Variants in CSMD3 observed in about 807,000 individuals in gnomAD.
CSMD3 encodes the protein CUB and Sushi multiple domains 3, also known as CUB and sushi domain-containing protein 3.
A neutral mutation model predicts 435.2 loss-of-function variants in CSMD3; 177 were observed. The ratio of observed to expected loss-of-function variants is 0.41; its 90% CI spans 0.36 to 0.46. The LOEUF (loss-of-function observed/expected upper bound fraction) is 0.46. Ranked by LOEUF, CSMD3 falls within the 20% of genes least tolerant of loss-of-function variation. The pLI, the probability that CSMD3 is intolerant of heterozygous loss-of-function variation, is 0.34. For synonymous variants in CSMD3, 1,656 were observed against 1,520.5 expected (o/e 1.09, Z -2.07); for missense variants, 4,265 against 4,504.6 (o/e 0.95, Z 1.52).
chr8:112,706,413 AAAC>A (rs2076500220), intron 13 of CSMD3, among the ~76,000 whole-genome samples: 1 of 152,110 alleles, frequency 6.6e-6, no homozygotes, highest in African/African-American at 2.4e-5. Context: ...GAAAAAAAAT[AAAC>A]AATTCTGCCA....
intron 28 of CSMD3, among the ~76,000 whole-genome samples, chr8:112,511,145 T>C (rs1160640055): frequency 1.3e-5 from 2 of 152,156 alleles, no homozygotes; most frequent in African/African-American, 4.8e-5. Context: ...CAAGTCCATA[T>C]AAAAGTTATG....
intron 1 of CSMD3, among the ~76,000 whole-genome samples, chr8:113,351,375 T>C (rs918773691): frequency 5.3e-5 from 8 of 152,116 alleles, no homozygotes; most frequent in African/African-American, 1.7e-4. Flanking sequence ...ATTACAAATA[T>C]GTACAATAAA....
intron 45 of CSMD3, among the ~76,000 whole-genome samples, chr8:112,334,593 G>A (rs1824388560): frequency 6.6e-6 from 1 of 152,126 alleles, no homozygotes; most frequent in African/African-American, 2.4e-5. Context: ...TGTAGTCATA[G>A]CAGATAAAAG....
chr8:112,360,528 G>T (rs543196559), intron 38 of CSMD3, among the ~76,000 whole-genome samples: 1 of 151,780 alleles, frequency 6.6e-6, no homozygotes, highest in African/African-American at 2.4e-5. Flanking sequence ...TAATCACAGA[G>T]ATAAATAACC....
At chr8:113,348,737 G>GT (rs1016174982) in intron 1 of CSMD3, among the ~76,000 whole-genome samples, 4 of 151,778 alleles carry the variant, frequency 2.6e-5, no homozygotes, top group Admixed American at 1.3e-4. Flanking sequence ...TTGTTTTGGG[G>GT]TTTTTTTATT....
intron 59 of CSMD3, among the ~76,000 whole-genome samples, chr8:112,270,842 TAA>T (rs1289315217): frequency 6.6e-6 from 1 of 152,144 alleles, no homozygotes. Context: ...AAAAACCTCT[TAA>T]AGTGACCAAA....
Position 113,291,023 on chromosome 8 carries a change from C to A in CSMD3, c.402-12319G>T, listed in dbSNP as rs542248244. Among the ~76,000 whole-genome samples the A allele has an allele frequency of 3.3e-5, 5 of 151,122 alleles. 1 individual carries two copies. In the South Asian group the frequency reaches 8.3e-4, roughly 25 times the overall value. The stretch of plus-strand genomic sequence containing the variant: ...TGAAAATAATTAAGGTTAATAAATA[C>A]TAGTAAACATAATTACATAATAATG... On this transcript the variant is annotated intron_variant, in intron 2 of 70. Transcript: ENST00000297405.
At chr8:112,794,263 C>A (rs1335548243) in intron 13 of CSMD3, among the ~76,000 whole-genome samples, 1 of 150,906 alleles carries the variant, frequency 6.6e-6, no homozygotes, top group Non-Finnish European at 1.5e-5. Flanking sequence ...ATATCAATTG[C>A]CCCAGATGCT....
intron 10 of CSMD3, among the ~76,000 whole-genome samples, chr8:112,899,426 T>C (rs1270616611): frequency 2.7e-5 from 4 of 149,588 alleles, no homozygotes; most frequent in South Asian, 2.1e-4. Context: ...CATTTTCACA[T>C]TGATATTTTC....
chr8:113,251,373 G>T (rs1287241986), intron 3 of CSMD3, among the ~76,000 whole-genome samples: 1 of 151,960 alleles, frequency 6.6e-6, no homozygotes, highest in Non-Finnish European at 1.5e-5. Flanking sequence ...ATCTCATACT[G>T]ATCGCACAAC....
intron 3 of CSMD3, among the ~76,000 whole-genome samples, chr8:113,255,943 CAT>C (rs1241066902): frequency 1.3e-5 from 2 of 151,858 alleles, no homozygotes; most frequent in African/African-American, 4.8e-5. Context: ...AGTAATTATA[CAT>C]AGACTGTGTC....
intron 10 of CSMD3, among the ~76,000 whole-genome samples, chr8:112,860,773 G>T (rs1156350371): frequency 1.3e-5 from 2 of 151,714 alleles, no homozygotes; most frequent in Non-Finnish European, 3.0e-5. Context: ...AAATAGTTCT[G>T]CTCTACCATA....
intron 13 of CSMD3, among the ~76,000 whole-genome samples, chr8:112,764,750 A>C (rs1279577968): frequency 6.6e-6 from 1 of 151,644 alleles, no homozygotes; most frequent in Non-Finnish European, 1.5e-5. Flanking sequence ...TTGTATGTTC[A>C]AAAAAATTTC....
At chr8:112,837,767 A>G (rs1246094439) in intron 11 of CSMD3, among the ~76,000 whole-genome samples, 4 of 151,636 alleles carry the variant, frequency 2.6e-5, no homozygotes, top group East Asian at 1.9e-4. Flanking sequence ...CTTTTTTGGG[A>G]GCAGCTTTTC....
intron 35 of CSMD3, among the ~76,000 whole-genome samples, chr8:112,393,761 T>C (rs1353162497): frequency 6.6e-6 from 1 of 152,184 alleles, no homozygotes; most frequent in Non-Finnish European, 1.5e-5. Context: ...TTAACTTGCA[T>C]TTTACTCAAT....
rs375890290 is a variant in CSMD3, at chr8:112,361,087, T to G, written c.6137-8553A>C. Among the ~76,000 whole-genome samples the G allele has an allele frequency of 3.6e-4, 55 of 152,072 alleles. No homozygotes were observed. The East Asian group carries it at 6.6e-3, about 18-fold the overall frequency. ...AGGAATCAATAAGAGAATTTTTTTG[T>G]AGAAATGTGGAAAAGGCTTCTCTTC... is the stretch of plus-strand genomic sequence containing the variant. On this transcript the variant is annotated intron_variant, in intron 38 of 70. Transcript: ENST00000297405.
chr8:112,551,706 T>A (rs1169709564), intron 26 of CSMD3, among the ~76,000 whole-genome samples: 1 of 152,130 alleles, frequency 6.6e-6, no homozygotes, highest in Non-Finnish European at 1.5e-5. Context: ...ATTTTCAGTT[T>A]GCACATTGCC....
intron 12 of CSMD3, among the ~76,000 whole-genome samples, chr8:112,805,423 A>G (rs1443270205): frequency 2.0e-5 from 3 of 151,932 alleles, no homozygotes; most frequent in Non-Finnish European, 2.9e-5. Context: ...GGCCATGGTC[A>G]AACAATACCC....
intron 7 of CSMD3, among the ~76,000 whole-genome samples, chr8:112,970,459 A>G (rs2084609384): frequency 6.6e-6 from 1 of 150,974 alleles, no homozygotes; most frequent in Non-Finnish European, 1.5e-5. Context: ...GCAGTAAATT[A>G]TTCTGATGAA....
Sources: allele counts gnomAD v4.1 joint callset (sites outside exome capture counted in the v4.1 genomes callset), GRCh38; gene constraint gnomAD v4.1.1; transcripts MANE v1.5; gene names NCBI Gene and HGNC (gene_info 2026-07-23, HGNC 2026-07-21).